The following GARNL3 variants were observed in gnomAD, a reference collection of about 807,000 sequenced individuals.
GARNL3 encodes the protein GTPase-activating Rap/Ran-GAP domain-like protein 3.
Under a neutral mutation model 125.0 loss-of-function variants are expected in GARNL3, and 63 were observed. The observed-to-expected ratio is 0.50, with a 90% CI of 0.41 to 0.62. The LOEUF is 0.62. Ranked by LOEUF, GARNL3 falls within the 20% of genes least tolerant of loss-of-function variation. The pLI, the probability that GARNL3 is intolerant of heterozygous loss-of-function variation, is 0.00. For synonymous variants in GARNL3, 439 were observed against 457.5 expected (o/e 0.96, Z 0.52); for missense variants, 994 against 1,244.0 (o/e 0.80, Z 3.02).
upstream of GARNL3, chr9:127,263,857 G>A: frequency 2.3e-6 from 3 of 1,332,788 alleles, no homozygotes; most frequent in Non-Finnish European, 2.9e-6. Context: ...CTCTCATGCT[G>A]TCTTTCTTGG....
At chr9:127,322,226 C>T (rs1254020836) in intron 6 of GARNL3, among the ~76,000 whole-genome samples, 1 of 152,046 alleles carries the variant, frequency 6.6e-6, no homozygotes, top group African/African-American at 2.4e-5. Context: ...TATTCCTAAT[C>T]CTTCTTTAAG....
chr9:127,368,008 C>CTTTTTTTTTTTTTTTTTTTTTTTTTT (rs10573639), intron 22 of GARNL3, among the ~76,000 whole-genome samples: 2 of 81,886 alleles, frequency 2.4e-5, no homozygotes, highest in African/African-American at 4.7e-5. Flanking sequence ...CATAGACTTT[C>CTTTTTTTTTTTTTTTTTTTTTTTTTT]TTTTTTTTTT....
intron 2 of GARNL3, among the ~76,000 whole-genome samples, chr9:127,255,006 G>T (rs2063473081): frequency 6.6e-6 from 1 of 152,214 alleles, no homozygotes; most frequent in Admixed American, 6.5e-5. Flanking sequence ...ACAATCCCAA[G>T]TGTTAGCTAG....
At chr9:127,311,526 T>C (rs1158791426) in intron 2 of GARNL3, 110 bp from the exon 3 acceptor site, 1 of 740,472 alleles carries the variant, frequency 1.4e-6, no homozygotes, top group South Asian at 1.6e-5. Context: ...AGCCCTTGGG[T>C]GTATGCTTTT....
chr9:127,227,733 A>G (rs2062939340), intron 1 of GARNL3, among the ~76,000 whole-genome samples: 1 of 152,186 alleles, frequency 6.6e-6, no homozygotes, highest in African/African-American at 2.4e-5. Flanking sequence ...AGTCTGGGCT[A>G]CATAGCAAGA....
At chr9:127,296,702 C>A (rs1254855013) in intron 2 of GARNL3, among the ~76,000 whole-genome samples, 1 of 151,974 alleles carries the variant, frequency 6.6e-6, no homozygotes, top group Admixed American at 6.6e-5. Flanking sequence ...AACTCCTGAC[C>A]TCAGGTGATC....
chr9:127,349,042 G>A lies in GARNL3; in HGVS notation c.1543+7G>A. ...GGCGTCTTGCTAGTGGATGGTTAGT[G>A]AGTAGCTGCTCCTACAAATGTCTTT... is the stretch of plus-strand genomic sequence containing the variant. On this transcript the variant is annotated splice_region_variant and intron_variant, in intron 17 of 27. Transcript: ENST00000373387. The A allele has an allele frequency of 1.3e-6, 2 of 1,576,606 alleles. No homozygotes were observed. The highest frequency in any genetic ancestry group is 1.7e-6 in the Non-Finnish European group (2 of 1,145,638).
At chr9:127,274,582 C>T (rs897472025) in intron 1 of GARNL3, among the ~76,000 whole-genome samples, 9 of 152,248 alleles carry the variant, frequency 5.9e-5, no homozygotes, top group Non-Finnish European at 8.8e-5. Context: ...AGCCTCTCTG[C>T]GCCTCTGTGC....
intron 2 of GARNL3, among the ~76,000 whole-genome samples, chr9:127,307,457 G>GT (rs1213367847): frequency 6.6e-6 from 1 of 152,200 alleles, no homozygotes; most frequent in African/African-American, 2.4e-5. Context: ...CAGCTTAGGA[G>GT]TTTACTCTCT....
chr9:127,293,079 C>A (rs2064474067), intron 2 of GARNL3, among the ~76,000 whole-genome samples: 1 of 152,142 alleles, frequency 6.6e-6, no homozygotes, highest in African/African-American at 2.4e-5. Flanking sequence ...TCCATTGGAG[C>A]ACCTTGGCTG....
chr9:127,293,703 A>G (rs1269359621), intron 2 of GARNL3, among the ~76,000 whole-genome samples: 1 of 151,916 alleles, frequency 6.6e-6, no homozygotes, highest in Non-Finnish European at 1.5e-5. Context: ...CCTCTGGCCT[A>G]TGCTCCTCAT....
intron 14 of GARNL3, among the ~76,000 whole-genome samples, chr9:127,343,272 C>G (rs1829967220): frequency 6.6e-6 from 1 of 152,086 alleles, no homozygotes; most frequent in Admixed American, 6.5e-5. Context: ...AGGGATTGGG[C>G]CAGGCTAACC....
chr9:127,244,569 C>T (rs575087143), intron 2 of GARNL3, among the ~76,000 whole-genome samples: 3 of 152,246 alleles, frequency 2.0e-5, no homozygotes, highest in African/African-American at 7.2e-5. Flanking sequence ...GTGATTCTCA[C>T]GTGTGGTAGA....
chr9:127,360,342 GA>G (rs970099990), intron 21 of GARNL3, among the ~76,000 whole-genome samples: 7 of 150,664 alleles, frequency 4.6e-5, no homozygotes, highest in Non-Finnish European at 8.9e-5. Context: ...AGTTTTTAAG[GA>G]AAAAAAAACC....
intron 1 of GARNL3, among the ~76,000 whole-genome samples, chr9:127,288,015 A>G (rs1166278065): frequency 6.6e-6 from 1 of 152,128 alleles, no homozygotes; most frequent in Non-Finnish European, 1.5e-5. Context: ...ATTTAATGAG[A>G]CCGATACTGT....
intron 22 of GARNL3, among the ~76,000 whole-genome samples, chr9:127,368,196 G>C (rs1330976245): frequency 1.3e-5 from 2 of 151,696 alleles, no homozygotes; most frequent in Non-Finnish European, 2.9e-5. Context: ...TCTGGCTGCT[G>C]TGGGGCATTC....
intron 5 of GARNL3, among the ~76,000 whole-genome samples, chr9:127,319,442 A>G (rs1015848255): frequency 9.9e-5 from 15 of 152,078 alleles, no homozygotes; most frequent in Non-Finnish European, 1.5e-5. Flanking sequence ...AGACCATGCT[A>G]TTGCACTCTA....
At chr9:127,330,619 A>G (rs1829170543) in intron 7 of GARNL3, among the ~76,000 whole-genome samples, 1 of 152,240 alleles carries the variant, frequency 6.6e-6, no homozygotes, top group African/African-American at 2.4e-5. Flanking sequence ...TCAATAAAAG[A>G]TTTACAGAGT....
At chr9:127,298,717 T>C (rs2064685975) in intron 2 of GARNL3, among the ~76,000 whole-genome samples, 2 of 152,130 alleles carry the variant, frequency 1.3e-5, no homozygotes, top group Admixed American at 1.3e-4. Flanking sequence ...GTACATGTGG[T>C]TTTAAGGCTT....
Sources: gnomAD v4.1 joint callset for allele counts (sites outside exome capture counted in the v4.1 genomes callset) on GRCh38, gnomAD v4.1.1 for gene constraint, MANE v1.5 for transcripts, NCBI Gene and HGNC (gene_info 2026-07-23, HGNC 2026-07-21) for gene names.